ME3: variants seen among roughly 807,000 people sequenced by gnomAD.
ME3 encodes malic enzyme 3.
Under a neutral mutation model 68.9 loss-of-function variants are expected in ME3, and 48 were observed. The observed-to-expected ratio is 0.70, with a 90% CI of 0.55 to 0.89. ME3 has a LOEUF of 0.89. Among genes scored for constraint, ME3 ranks in the 40% least tolerant of loss-of-function variants. The probability of loss-of-function intolerance (pLI) is 0.00; values close to 1 mark genes in which losing one functional copy is unlikely to be tolerated. For synonymous variants in ME3, 320 were observed against 318.8 expected (o/e 1.00, Z -0.04); for missense variants, 675 against 797.4 (o/e 0.85, Z 1.85).
At chr11:86,470,106 G>T (rs1398861667) in intron 7 of ME3, among the ~76,000 whole-genome samples, 1 of 152,116 alleles carries the variant, frequency 6.6e-6, no homozygotes, top group Non-Finnish European at 1.5e-5. Flanking sequence ...AGCATTCCAG[G>T]GGCTGCAGAC....
intron 2 of ME3, among the ~76,000 whole-genome samples, chr11:86,647,488 A>C (rs891324638): frequency 2.8e-5 from 4 of 141,822 alleles, no homozygotes; most frequent in Non-Finnish European, 4.6e-5. Flanking sequence ...CCATCTCAAA[A>C]AAGAAAAAAA....
intron 13 of ME3, 145 bp from the exon 14 acceptor site, chr11:86,443,064 G>C: frequency 1.6e-6 from 1 of 610,514 alleles, no homozygotes; most frequent in Non-Finnish European, 2.9e-6. Flanking sequence ...TACCAGGGAA[G>C]CTTAATGCTT....
At chr11:86,657,153 A>G (rs1040063263) in intron 2 of ME3, among the ~76,000 whole-genome samples, 1 of 152,226 alleles carries the variant, frequency 6.6e-6, no homozygotes, top group Non-Finnish European at 1.5e-5. Context: ...ATTCTGCTAT[A>G]AAGACACATG....
chr11:86,595,780 C>G (rs1165632629), intron 2 of ME3, among the ~76,000 whole-genome samples: 2 of 152,210 alleles, frequency 1.3e-5, no homozygotes, highest in Non-Finnish European at 1.5e-5. Context: ...AAGGCTGGCA[C>G]AGGGTGCAGT....
At chr11:86,468,417 A>G (rs1950602294) in intron 7 of ME3, among the ~76,000 whole-genome samples, 2 of 152,036 alleles carry the variant, frequency 1.3e-5, no homozygotes, top group African/African-American at 2.4e-5. Context: ...CCATCCATCC[A>G]TCATCCATCC....
chr11:86,561,021 G>C (rs1957204972), intron 2 of ME3, among the ~76,000 whole-genome samples: 1 of 151,848 alleles, frequency 6.6e-6, no homozygotes, highest in Non-Finnish European at 1.5e-5. Context: ...CATCACATCA[G>C]ACCAGGGGTA....
chr11:86,460,254 G>A (rs781706818), intron 8 of ME3, among the ~76,000 whole-genome samples: 4 of 152,256 alleles, frequency 2.6e-5, no homozygotes, highest in Non-Finnish European at 4.4e-5. Flanking sequence ...GGCTTTATGT[G>A]GGTCTGAGCT....
chr11:86,532,456 A>T (rs977807871), intron 4 of ME3, among the ~76,000 whole-genome samples: 1 of 152,224 alleles, frequency 6.6e-6, no homozygotes, highest in African/African-American at 2.4e-5. Context: ...TGGATAGATC[A>T]TATGTTAGGC....
intron 7 of ME3, among the ~76,000 whole-genome samples, chr11:86,481,725 A>G (rs1951421222): frequency 6.6e-6 from 1 of 152,208 alleles, no homozygotes; most frequent in South Asian, 2.1e-4. Flanking sequence ...AAAATAACCC[A>G]GAGCCTCCTT....
intron 4 of ME3, 58 bp downstream of exon 4, chr11:86,556,495 A>T (rs1207058349): frequency 9.0e-6 from 14 of 1,561,340 alleles, no homozygotes; most frequent in Non-Finnish European, 1.2e-5. Flanking sequence ...GGGCGGAAAG[A>T]ATTTATTCCC....
At chr11:86,534,026 A>G (rs183903424) in intron 4 of ME3, among the ~76,000 whole-genome samples, 3 of 151,962 alleles carry the variant, frequency 2.0e-5, no homozygotes, top group Admixed American at 6.6e-5. Flanking sequence ...ATTTGTTACT[A>G]TCTGAACACC....
At chr11:86,486,650 C>G (rs1016198637) in intron 7 of ME3, among the ~76,000 whole-genome samples, 1 of 152,246 alleles carries the variant, frequency 6.6e-6, no homozygotes, top group Non-Finnish European at 1.5e-5. Flanking sequence ...CAGAGGCCCA[C>G]TGAGCTGCTG....
chr11:86,659,103 A>G (rs1946110678), intron 2 of ME3, among the ~76,000 whole-genome samples: 1 of 152,230 alleles, frequency 6.6e-6, no homozygotes, highest in Non-Finnish European at 1.5e-5. Flanking sequence ...CTGCAAAGAA[A>G]TACATAAAAT....
At chr11:86,477,325 T>C (rs1594109460) in intron 7 of ME3, among the ~76,000 whole-genome samples, 1 of 150,190 alleles carries the variant, frequency 6.7e-6, no homozygotes, top group East Asian at 2.0e-4. Context: ...ACTTGTACTT[T>C]GTAAACTTCA....
In ME3 at chr11:86,504,611, C is replaced by G. The variant is rs141758767; in HGVS notation, c.543+4181G>C. Among the ~76,000 whole-genome samples, 121 of 152,148 alleles carry G rather than the reference C, an allele frequency of 8.0e-4. 1 individual carries two copies. Among genetic ancestry groups the G allele is most frequent in the African/African-American group, 2.7e-3 (114 of 41,512 alleles). On this transcript the variant is annotated intron_variant, in intron 5 of 14. Coordinates refer to ENST00000543262, the Ensembl canonical transcript of ME3. The stretch of plus-strand genomic sequence containing the variant: ...GTTTTACCATGTTGGCCAGGCTGGT[C>G]TCAAACTCCTGACCTCAGGTGATCT...
rs573230374 is a variant in ME3 at position 86,613,676 on chromosome 11, T to C, written c.184-53853A>G. On this transcript the variant is annotated intron_variant, in intron 2 of 14. Transcript: ENST00000543262. ...CACAACCATTTCTTTACACCAACAA[T>C]AGACAGCAGAGAGCCAAATCATGAA... Among the ~76,000 whole-genome samples, 6 of 152,050 alleles carry C rather than the reference T, an allele frequency of 3.9e-5. No individual in the cohort carries two copies. The South Asian group carries it at 6.2e-4, about 16-fold the overall frequency.
chr11:86,567,298 AAGTT>A (rs1289258858), intron 2 of ME3, among the ~76,000 whole-genome samples: 5 of 149,020 alleles, frequency 3.4e-5, no homozygotes, highest in East Asian at 2.0e-4. Flanking sequence ...GAGTGAATGA[AAGTT>A]AGACTCCTTG....
chr11:86,462,616 C>T (rs1245914223), intron 8 of ME3: 1 of 1,287,136 alleles, frequency 7.8e-7, no homozygotes, highest in Non-Finnish European at 1.0e-6. Context: ...GTGTAGACAT[C>T]ATTCATATAT....
chr11:86,616,743 A>T (rs2135235113), intron 2 of ME3, among the ~76,000 whole-genome samples: 1 of 152,290 alleles, frequency 6.6e-6, no homozygotes, highest in East Asian at 1.9e-4. Context: ...AAATAAGGAA[A>T]GATTGAGACA....
Sources: allele counts gnomAD v4.1 joint callset (sites outside exome capture counted in the v4.1 genomes callset), GRCh38; gene constraint gnomAD v4.1.1; transcripts MANE v1.5; gene names NCBI Gene and HGNC (gene_info 2026-07-23, HGNC 2026-07-21).